PIK3AP1: variants seen among roughly 807,000 people sequenced by gnomAD.
PIK3AP1 encodes the protein phosphoinositide-3-kinase adaptor protein 1, also known as phosphoinositide 3-kinase adapter protein 1.
PIK3AP1 carries 21 observed loss-of-function variants against 88.1 expected under a neutral mutation model. That is an observed-to-expected ratio of 0.24 (90% CI 0.17 to 0.34). The LOEUF (loss-of-function observed/expected upper bound fraction) is 0.34, where lower values mean the gene tolerates loss of function less well. PIK3AP1 is among the 10% of genes least tolerant of loss of function. PIK3AP1 has a pLI of 1.00. For missense variants in PIK3AP1, 828 were observed against 1,035.7 expected, an observed-to-expected ratio of 0.80 and a Z score of 2.75; for synonymous variants, 398 against 400.0, an observed-to-expected ratio of 1.00 and a Z score of 0.06.
intron 8 of PIK3AP1, among the ~76,000 whole-genome samples, chr10:96,643,141 A>T (rs1843413796): frequency 6.6e-6 from 1 of 152,148 alleles, no homozygotes; most frequent in South Asian, 2.1e-4. Flanking sequence ...TATGGATAGG[A>T]TGATGGGCAA....
chr10:96,698,031 G>T (rs61856804), intron 2 of PIK3AP1, among the ~76,000 whole-genome samples: 29,910 of 152,030 alleles, frequency 0.2, 3,036 homozygotes, highest in East Asian at 0.35. Flanking sequence ...CTGAGGTCTG[G>T]ATGGTATTCC....
At chr10:96,647,518 G>GA (rs147734690) in intron 7 of PIK3AP1, among the ~76,000 whole-genome samples, 3,526 of 152,242 alleles carry the variant, frequency 0.023, 138 homozygotes, top group African/African-American at 0.081. Flanking sequence ...GTGACTTTAA[G>GA]AAAAAACTGA....
intron 2 of PIK3AP1, chr10:96,669,450 G>A (rs1423367733): frequency 6.6e-6 from 1 of 152,228 alleles, no homozygotes; most frequent in Admixed American, 6.5e-5. Context: ...GTACAGCTGT[G>A]TCCCTTAAGG....
intron 2 of PIK3AP1, among the ~76,000 whole-genome samples, chr10:96,706,775 C>A (rs1844370061): frequency 6.6e-6 from 1 of 152,170 alleles, no homozygotes; most frequent in African/African-American, 2.4e-5. Context: ...GTTAAGAAAG[C>A]TTGTCCAGCA....
chr10:96,626,822 C>T lies in PIK3AP1; in HGVS notation c.1555G>A (p.Asp519Asn), dbSNP rs370707189. 4.1e-5 allele frequency: 66 copies of T among 1,614,062 alleles called. No individual in the cohort carries two copies. The African/African-American group carries it at 8.1e-4, about 20-fold the overall frequency. ...EEDVYHTVDDDEAFSVDLASR... is the reference protein window; with the variant it reads ...EEDVYHTVDDNEAFSVDLASR... ...GCCAGGTCCACAGAAAAGGCCTCATCGTCATCCACCGTGTGATAAACATCT... is the reference window on the plus strand; with the variant it reads ...GCCAGGTCCACAGAAAAGGCCTCATTGTCATCCACCGTGTGATAAACATCT... The change falls in exon 10 of 17, where the codon GAT becomes AAT. Residue 519 changes from aspartate to asparagine, a missense_variant. Physicochemically the swap from Asp to Asn is conservative, Grantham distance 23 (BLOSUM62 1). This residue lies in a region of PIK3AP1 where 610 missense variants were observed against 760.1 expected (regional missense o/e 0.80). Coordinates refer to ENST00000339364, the MANE Select transcript of PIK3AP1 (RefSeq NM_152309.3).
At chr10:96,648,557 G>A in intron 7 of PIK3AP1, 102 bp downstream of exon 7, 1 of 1,253,400 alleles carries the variant, frequency 8.0e-7, no homozygotes, top group South Asian at 1.5e-5. Flanking sequence ...AGGTACATGA[G>A]GACATGCTAG....
At chr10:96,668,575 A>G (rs558790872) in intron 2 of PIK3AP1, among the ~76,000 whole-genome samples, 1 of 152,324 alleles carries the variant, frequency 6.6e-6, no homozygotes, top group Non-Finnish European at 1.5e-5. Flanking sequence ...AGAGCTTGCC[A>G]CCAATCTACT....
At chr10:96,674,919 G>A (rs1843895767) in intron 2 of PIK3AP1, among the ~76,000 whole-genome samples, 1 of 152,216 alleles carries the variant, frequency 6.6e-6, no homozygotes, top group Admixed American at 6.5e-5. Flanking sequence ...TTGAGACGGA[G>A]TCTCACTCTG....
At position 96,697,552 on chromosome 10, in the gene PIK3AP1, A is replaced by G. The variant is rs567249554; in HGVS notation, c.430+12015T>C. ...AGCCTGGGCAACATAGTGAGATCCT[A>G]TCTCTACAAAATAAATTTTTTTTTT... On this transcript the variant is annotated intron_variant, in intron 2 of 16. Coordinates refer to ENST00000339364, the MANE Select transcript of PIK3AP1 (RefSeq NM_152309.3). Among the ~76,000 whole-genome samples the G allele has an allele frequency of 5.9e-5, 9 of 152,112 alleles. 1 individual carries two copies. In the South Asian group the frequency reaches 8.3e-4, roughly 14 times the overall value.
At chr10:96,656,136 C>G (rs894978493) in intron 3 of PIK3AP1, among the ~76,000 whole-genome samples, 4 of 152,202 alleles carry the variant, frequency 2.6e-5, no homozygotes, top group African/African-American at 9.7e-5. Context: ...AAGCATTCTG[C>G]TGCTCTGAAC....
intron 2 of PIK3AP1, among the ~76,000 whole-genome samples, chr10:96,665,947 A>T (rs1843755090): frequency 6.6e-6 from 1 of 152,194 alleles, no homozygotes; most frequent in Non-Finnish European, 1.5e-5. Context: ...CACACAGTGC[A>T]CAGGACGCTG....
At chr10:96,662,210 TATG>T (rs1449467370) in intron 2 of PIK3AP1, among the ~76,000 whole-genome samples, 9 of 152,134 alleles carry the variant, frequency 5.9e-5, no homozygotes, top group Non-Finnish European at 1.3e-4. Context: ...CAAAATGAGG[TATG>T]TCCATATAAT....
chr10:96,607,951 CAG>C (rs1057025681), intron 14 of PIK3AP1, among the ~76,000 whole-genome samples: 5 of 152,200 alleles, frequency 3.3e-5, no homozygotes, highest in African/African-American at 1.2e-4. Flanking sequence ...AACTGTATAA[CAG>C]GGGCCGGGTG....
intron 2 of PIK3AP1, among the ~76,000 whole-genome samples, chr10:96,688,852 A>C (rs1018030350): frequency 9.9e-5 from 15 of 152,114 alleles, no homozygotes; most frequent in African/African-American, 3.4e-4. Flanking sequence ...ATGCATCATA[A>C]AGTGGCTAGA....
chr10:96,713,949 G>A (rs1454865972), intron 1 of PIK3AP1, among the ~76,000 whole-genome samples: 4 of 152,016 alleles, frequency 2.6e-5, no homozygotes, highest in Admixed American at 2.0e-4. Context: ...CGAGGCAGGC[G>A]GATCACCTAA....
chr10:96,695,809 G>A (rs1844211838), intron 2 of PIK3AP1, among the ~76,000 whole-genome samples: 1 of 151,400 alleles, frequency 6.6e-6, no homozygotes, highest in Non-Finnish European at 1.5e-5. Context: ...CATATCCCAA[G>A]GAACTAACAA....
chr10:96,711,874 C>T (rs1482725277), intron 1 of PIK3AP1, among the ~76,000 whole-genome samples: 2 of 150,880 alleles, frequency 1.3e-5, no homozygotes, highest in African/African-American at 4.9e-5. Context: ...TCTCAGCCTC[C>T]CAAGTAGCTG....
At chr10:96,629,066 G>C (rs1414401528) in intron 8 of PIK3AP1, among the ~76,000 whole-genome samples, 1 of 151,376 alleles carries the variant, frequency 6.6e-6, no homozygotes, top group East Asian at 1.9e-4. Flanking sequence ...GCACCACCAT[G>C]CCTGGTTTAC....
Position 96,709,893 on chromosome 10 carries a change from C to T in PIK3AP1, c.104G>A (p.Arg35Gln), listed in dbSNP as rs760105346. The change falls in exon 2 of 17, where the codon CGG becomes CAG. Residue 35 changes from arginine to glutamine, a missense_variant. This residue lies in a region of PIK3AP1 where 610 missense variants were observed against 760.1 expected (regional missense o/e 0.80). Coordinates refer to ENST00000339364, the MANE Select transcript of PIK3AP1 (RefSeq NM_152309.3). The stretch of plus-strand genomic sequence containing the variant: ...CAGTATCTTCTGGCTGCGGACCTGC[C>T]GACTGGACAGGAACAGGGTCTGCAG... ...QYLQTLFLSS[R>Q]QVRSQKILTH... The T allele has an allele frequency of 5.6e-6, 9 of 1,613,612 alleles. No individual in the cohort carries two copies. The highest frequency in any genetic ancestry group is 7.6e-6 in the Non-Finnish European group (9 of 1,179,944).
Sources: gnomAD v4.1 joint callset for allele counts (sites outside exome capture counted in the v4.1 genomes callset) on GRCh38, gnomAD v4.1.1 for gene constraint, gnomAD v4.1.1 regional missense constraint, MANE v1.5 for transcripts, NCBI Gene and HGNC (gene_info 2026-07-23, HGNC 2026-07-21) for gene names.